Variants in IL1RN observed in about 807,000 individuals in gnomAD.
The protein encoded by IL1RN is interleukin-1 receptor antagonist protein.
IL1RN carries 10 observed loss-of-function variants against 13.7 expected under a neutral mutation model. That is an observed-to-expected ratio of 0.73 (90% confidence interval 0.45 to 1.24). IL1RN has a LOEUF of 1.24. IL1RN is among the 50% of genes most tolerant of loss of function. The pLI, the probability that IL1RN is intolerant of heterozygous loss-of-function variation, is 0.00. For missense variants in IL1RN, 213 were observed against 222.1 expected (o/e 0.96, Z 0.26); for synonymous variants, 102 against 82.7 (o/e 1.23, Z -1.27).
upstream of IL1RN, among the ~76,000 whole-genome samples, chr2:113,109,027 T>G (rs2104421701): frequency 6.6e-6 from 1 of 151,254 alleles, no homozygotes; most frequent in East Asian, 1.9e-4. Flanking sequence ...TAAATCAATA[T>G]GGGAAGGGGA....
chr2:113,102,719 G>A (rs1326613732), upstream of IL1RN, among the ~76,000 whole-genome samples: 1 of 152,054 alleles, frequency 6.6e-6, no homozygotes, highest in African/African-American at 2.4e-5. Context: ...CTTTGGGCAG[G>A]CGTGGGGGTC....
In IL1RN at chr2:113,132,656, G is replaced by A; in HGVS notation, c.319G>A (p.Ala107Thr). 1 of 1,614,036 alleles carries A rather than the reference G, an allele frequency of 6.2e-7. No homozygotes were observed. The highest frequency in any genetic ancestry group is 8.5e-7 in the Non-Finnish European group (1 of 1,179,894). ...SGDETRLQLE[A>T]VNITDLSENR... is the part of the protein sequence containing the mutation. ...CACCTGCCCATCTTTTGATTTCCAGGCAGTTAACATCACTGACCTGAGCGA... is the reference window on the plus strand; with the variant it reads ...CACCTGCCCATCTTTTGATTTCCAGACAGTTAACATCACTGACCTGAGCGA... The change falls in exon 4 of 4, where the codon GCA (alanine) becomes ACA (threonine). Residue 107 changes from alanine to threonine, a missense_variant and splice_region_variant. Transcript: ENST00000409930.
chr2:113,130,074 C>T (rs868313790), intron 2 of IL1RN: 1 of 240,238 alleles, frequency 4.2e-6, no homozygotes, highest in Middle Eastern at 1.6e-3. Flanking sequence ...GGACACCATA[C>T]TCAGCCATAT....
At chr2:113,108,948 G>A (rs13404928), upstream of IL1RN, among the ~76,000 whole-genome samples, 41,659 of 151,742 alleles carry the variant, frequency 0.27, 6,022 homozygotes, top group African/African-American at 0.36. Flanking sequence ...TAGACCCTGA[G>A]AAGTAAAATA....
upstream of IL1RN, chr2:113,115,779 G>A (rs1297237899): frequency 6.6e-6 from 1 of 152,244 alleles, no homozygotes; most frequent in African/African-American, 2.4e-5. Context: ...TTGCAAAGGA[G>A]AGTTCTGACT....
At chr2:113,121,090 TTCTTCCTCTTCC>T (rs1224833152) in intron 2 of IL1RN, among the ~76,000 whole-genome samples, 1 of 115,208 alleles carries the variant, frequency 8.7e-6, no homozygotes, top group African/African-American at 3.6e-5. Flanking sequence ...CTTCTTCTTC[TTCTTCCTCTTCC>T]TCTTCCTCTT....
chr2:113,117,594 G>A (rs191872874), upstream of IL1RN: 2 of 242,244 alleles, frequency 8.3e-6, no homozygotes, highest in East Asian at 8.7e-5. Context: ...CTGGCACACA[G>A]GATTAAGCCA....
chr2:113,100,432 G>T, the IL1RN span, among the ~76,000 whole-genome samples: 1 of 152,276 alleles, frequency 6.6e-6, no homozygotes, highest in East Asian at 1.9e-4. Context: ...CACAAGAGAA[G>T]CAGCAAATGA....
upstream of IL1RN, chr2:113,110,995 G>A (rs1411989900): frequency 6.6e-6 from 1 of 152,210 alleles, no homozygotes; most frequent in Non-Finnish European, 1.5e-5. Flanking sequence ...GTTTGCATTT[G>A]GCCTCTGCCA....
upstream of IL1RN, chr2:113,117,539 C>T (rs369021038): frequency 1.7e-4 from 30 of 177,556 alleles, no homozygotes; most frequent in Non-Finnish European, 2.8e-4. Context: ...TTTGTTAGAG[C>T]GTTGGGGACC....
chr2:113,109,689 G>C (rs189601334), upstream of IL1RN, among the ~76,000 whole-genome samples: 36 of 152,012 alleles, frequency 2.4e-4, 1 homozygote, highest in East Asian at 7.0e-3. Context: ...TAACAGGAAG[G>C]GGGAAAGGCA....
At chr2:113,132,479 G>A (rs1558870207) in intron 3 of IL1RN, among the ~76,000 whole-genome samples, 177 bp from the exon 4 acceptor site, 1 of 152,130 alleles carries the variant, frequency 6.6e-6, no homozygotes, top group Non-Finnish European at 1.5e-5. Context: ...AATAAACCTA[G>A]GTCCCAGAGT....
At chr2:113,116,495 G>A (rs973039314), upstream of IL1RN, among the ~76,000 whole-genome samples, 33 of 150,848 alleles carry the variant, frequency 2.2e-4, no homozygotes, top group Non-Finnish European at 4.3e-4. Context: ...CCCAGGCGGG[G>A]CGGGGGGTGG....
chr2:113,114,623 A>G (rs1686557844), upstream of IL1RN, among the ~76,000 whole-genome samples: 1 of 151,986 alleles, frequency 6.6e-6, no homozygotes, highest in African/African-American at 2.4e-5. Flanking sequence ...TCATTTATTT[A>G]TGGTGATGTA....
upstream of IL1RN, among the ~76,000 whole-genome samples, chr2:113,114,143 G>A (rs549164679): frequency 1.2e-4 from 18 of 152,288 alleles, no homozygotes; most frequent in Non-Finnish European, 1.9e-4. Context: ...CTGGGAATAG[G>A]AAAGTTATGA....
chr2:113,128,014 G>C (rs4252006), intron 1 of IL1RN, among the ~76,000 whole-genome samples: 2 of 152,228 alleles, frequency 1.3e-5, no homozygotes, highest in East Asian at 3.8e-4. Context: ...CAAGGAGTGG[G>C]ACTGCGATTC....
chr2:113,130,515 C>T (rs866992100), intron 2 of IL1RN, among the ~76,000 whole-genome samples: 3 of 152,282 alleles, frequency 2.0e-5, no homozygotes, highest in Middle Eastern at 3.4e-3. Context: ...CTCCTATTGA[C>T]CTGGAGCACA....
At chr2:113,120,052 C>A in intron 1 of IL1RN, 2 of 1,610,342 alleles carry the variant, frequency 1.2e-6, no homozygotes, top group Non-Finnish European at 1.7e-6. Flanking sequence ...GGGGTCCCAC[C>A]ACTTCCCTTA....
At chr2:113,120,492 G>T (rs1490845972) in intron 2 of IL1RN, among the ~76,000 whole-genome samples, 1 of 152,152 alleles carries the variant, frequency 6.6e-6, no homozygotes, top group Non-Finnish European at 1.5e-5. Context: ...AGCCACCAGA[G>T]GTACCAGTGC....
Sources: allele counts gnomAD v4.1 joint callset (sites outside exome capture counted in the v4.1 genomes callset), GRCh38; gene constraint gnomAD v4.1.1; transcripts MANE v1.5; gene names NCBI Gene and HGNC (gene_info 2026-07-23, HGNC 2026-07-21).